PTBP3: variants seen among roughly 807,000 people sequenced by gnomAD.
PTBP3 encodes the protein polypyrimidine tract binding protein 3.
A neutral mutation model predicts 58.7 loss-of-function variants in PTBP3; 20 were observed. The ratio of observed to expected loss-of-function variants is 0.34; its 90% CI spans 0.24 to 0.50. The LOEUF is 0.50. Ranked by LOEUF, PTBP3 falls within the 20% of genes least tolerant of loss-of-function variation. The pLI, the probability that PTBP3 is intolerant of heterozygous loss-of-function variation, is 0.98. For missense variants in PTBP3, 509 were observed against 637.2 expected, an observed-to-expected ratio of 0.80 and a Z score of 2.17; for synonymous variants, 185 against 219.8, an observed-to-expected ratio of 0.84 and a Z score of 1.40.
At chr9:112,347,077 T>G in the PTBP3 span, among the ~76,000 whole-genome samples, 1 of 152,128 alleles carries the variant, frequency 6.6e-6, no homozygotes. Flanking sequence ...CACCAGAAGA[T>G]GTATGAAAAA....
intron 2 of PTBP3, among the ~76,000 whole-genome samples, chr9:112,287,521 A>C (rs1333813937): frequency 1.3e-5 from 2 of 150,796 alleles, no homozygotes; most frequent in African/African-American, 2.4e-5. Context: ...TTGTATTTTT[A>C]GTAGAGAAGG....
rs948926191 is a variant in PTBP3 at position 112,223,018 on chromosome 9, ATTAT to A, written c.*829_*832del. 5 of 849,028 alleles carry A rather than the reference ATTAT, an allele frequency of 5.9e-6. No individual in the cohort carries two copies. Among genetic ancestry groups the A allele is most frequent in the South Asian group, 1.1e-4 (2 of 18,336 alleles). 52.6% of individuals were successfully genotyped at this position (849,028 alleles called of 1,614,324 possible). A position where few individuals can be genotyped will look rare whatever the true frequency, so the allele number is the denominator to read the frequency against. ...TATAAAAAAGTAGTTTATAAGTAGG[ATTAT>A]TTTTCTTTAAAATTTTCCAAGATCA... On this transcript the variant is annotated 3_prime_UTR_variant, in exon 14 of 14. Transcript: ENST00000374257.
chr9:112,295,245 GAAAAA>G (rs200186001), intron 2 of PTBP3, among the ~76,000 whole-genome samples: 1 of 118,514 alleles, frequency 8.4e-6, no homozygotes. Context: ...AGTCTCAAAA[GAAAAA>G]AAAAAAAAAA....
At chr9:112,267,840 A>G (rs1827164079) in intron 4 of PTBP3, among the ~76,000 whole-genome samples, 1 of 152,218 alleles carries the variant, frequency 6.6e-6, no homozygotes, top group East Asian at 1.9e-4. Flanking sequence ...CTGTGAAAAC[A>G]GTTTCAAGAG....
At chr9:112,378,246 T>C in the PTBP3 span, among the ~76,000 whole-genome samples, 1 of 152,214 alleles carries the variant, frequency 6.6e-6, no homozygotes, top group Non-Finnish European at 1.5e-5. Context: ...GATTTAAACT[T>C]GCTTGGTAAA....
At chr9:112,328,861 A>G (rs1287226895) in intron 1 of PTBP3, among the ~76,000 whole-genome samples, 1 of 152,228 alleles carries the variant, frequency 6.6e-6, no homozygotes, top group Non-Finnish European at 1.5e-5. Flanking sequence ...GAAATTTGCT[A>G]ACAAGAAGAG....
chr9:112,369,064 C>T, the PTBP3 span, among the ~76,000 whole-genome samples: 25 of 152,218 alleles, frequency 1.6e-4, 1 homozygote, highest in Admixed American at 6.5e-5. Flanking sequence ...GGAACCTCCA[C>T]CTAGATTTCA....
intron 2 of PTBP3, among the ~76,000 whole-genome samples, chr9:112,279,074 T>C (rs1177076781): frequency 6.6e-6 from 1 of 152,132 alleles, no homozygotes; most frequent in Non-Finnish European, 1.5e-5. Context: ...GAACGACTCA[T>C]TTAGGTGACT....
chr9:112,248,051 G>A (rs930534308), intron 7 of PTBP3, among the ~76,000 whole-genome samples: 12 of 152,000 alleles, frequency 7.9e-5, no homozygotes, highest in Non-Finnish European at 1.5e-4. Context: ...TACTACTCTT[G>A]CAACTTAATT....
At chr9:112,333,381 G>A (rs1293966938) in intron 1 of PTBP3, 89 bp downstream of exon 1, 8 of 1,401,120 alleles carry the variant, frequency 5.7e-6, no homozygotes, top group Non-Finnish European at 2.8e-6. Flanking sequence ...GCCGCGCACT[G>A]CTCCCCAGCC....
At position 112,220,818 on chromosome 9, in the gene PTBP3, T is replaced by A. The variant is rs373234955; in HGVS notation, c.*3033A>T. On this transcript the variant is annotated 3_prime_UTR_variant, in exon 14 of 14. Coordinates refer to ENST00000374257, the MANE Select transcript of PTBP3 (RefSeq NM_001163788.4). ...TATTTTTTAAAGTCCTGAATATATATACTTTGTGTAGAAGTCAAGACACCT... is the reference window on the plus strand; with the variant it reads ...TATTTTTTAAAGTCCTGAATATATAAACTTTGTGTAGAAGTCAAGACACCT... 1.0e-5 allele frequency: 10 copies of A among 974,158 alleles called. No homozygotes were observed. The Admixed American group carries it at 5.5e-4, about 54-fold the overall frequency. The allele number at this position is 974,158 out of a possible 1,614,324, so 60.3% of individuals were successfully genotyped here. A position where few individuals can be genotyped will look rare whatever the true frequency, so the allele number is the denominator to read the frequency against.
chr9:112,268,488 A>G (rs1827213582), intron 3 of PTBP3, among the ~76,000 whole-genome samples: 1 of 151,746 alleles, frequency 6.6e-6, no homozygotes, highest in Admixed American at 6.6e-5. Context: ...TGAGCCCAGG[A>G]GTTCAACAGC....
At chr9:112,282,172 C>A (rs1827898306) in intron 2 of PTBP3, among the ~76,000 whole-genome samples, 1 of 152,190 alleles carries the variant, frequency 6.6e-6, no homozygotes, top group South Asian at 2.1e-4. Flanking sequence ...AGGGCTTCAA[C>A]ATACCAATTC....
chr9:112,245,797 C>T (rs1295258878), intron 7 of PTBP3, among the ~76,000 whole-genome samples: 1 of 152,002 alleles, frequency 6.6e-6, no homozygotes, highest in East Asian at 1.9e-4. Context: ...CGGGCTCCTA[C>T]TGGCCAAATC....
Position 112,307,899 on chromosome 9 carries a change from C to T in PTBP3, c.-51-9983G>A, listed in dbSNP as rs114997132. On this transcript the variant is annotated intron_variant, in intron 1 of 13. Transcript: ENST00000374257. ...ATGCGGCACAGGATGGCTTTGAGTG[C>T]CGCCCAACGCAAATTCATAAACTTT... Among the ~76,000 whole-genome samples, 989 of 152,340 alleles carry T rather than the reference C, an allele frequency of 6.5e-3. 10 individuals are homozygous for T. The highest frequency in any genetic ancestry group is 0.022 in the African/African-American group (929 of 41,562).
At chr9:112,275,753 A>T in intron 3 of PTBP3, 91 bp downstream of exon 3, 1 of 1,223,204 alleles carries the variant, frequency 8.2e-7, no homozygotes, top group Non-Finnish European at 1.1e-6. Context: ...TGAAATTTTA[A>T]AAATACAGAA....
At chr9:112,262,388 A>C in intron 5 of PTBP3, 47 bp downstream of exon 5, 16 of 1,426,894 alleles carry the variant, frequency 1.1e-5, no homozygotes, top group Non-Finnish European at 1.5e-5. Flanking sequence ...AAAGTTTCAG[A>C]GGCCATATTT....
intron 2 of PTBP3, among the ~76,000 whole-genome samples, chr9:112,291,229 CA>C (rs562722222): frequency 4.1e-5 from 6 of 147,742 alleles, no homozygotes; most frequent in Admixed American, 6.7e-5. Flanking sequence ...TCTCTGTCTC[CA>C]AAAAAAAAAG....
chr9:112,344,887 C>T, the PTBP3 span, among the ~76,000 whole-genome samples: 937 of 152,174 alleles, frequency 6.2e-3, 28 homozygotes, highest in East Asian at 0.011. Flanking sequence ...TAATTCCACA[C>T]TTTGGGAGGC....
Sources: gnomAD v4.1 joint callset for allele counts (sites outside exome capture counted in the v4.1 genomes callset) on GRCh38, gnomAD v4.1.1 for gene constraint, MANE v1.5 for transcripts, NCBI Gene and HGNC (gene_info 2026-07-23, HGNC 2026-07-21) for gene names.